Variants in SMAD2 observed in about 807,000 individuals in gnomAD.
SMAD2 encodes the protein SMAD family member 2.
SMAD2 carries 8 observed loss-of-function variants against 64.4 expected under a neutral mutation model. The ratio of observed to expected loss-of-function variants is 0.12; its 90% CI spans 0.07 to 0.22. SMAD2 has a LOEUF of 0.22. Ranked by LOEUF, SMAD2 falls within the 10% of genes least tolerant of loss-of-function variation. SMAD2 has a pLI of 1.00. For missense variants in SMAD2, 289 were observed against 561.2 expected (o/e 0.51, Z 4.90); for synonymous variants, 203 against 195.8 (o/e 1.04, Z -0.31).
intron 2 of SMAD2, among the ~76,000 whole-genome samples, chr18:47,878,011 G>C (rs983284218): frequency 6.6e-6 from 1 of 151,974 alleles, no homozygotes; most frequent in Non-Finnish European, 1.5e-5. Context: ...AATGTTTTTC[G>C]ATTTTATCTT....
At chr18:47,893,735 G>C (rs1017569612) in intron 2 of SMAD2, among the ~76,000 whole-genome samples, 1 of 152,020 alleles carries the variant, frequency 6.6e-6, no homozygotes, top group Non-Finnish European at 1.5e-5. Flanking sequence ...CAATTTAATT[G>C]TTCTACTACT....
At position 47,850,835 on chromosome 18, in the gene SMAD2, ATG is replaced by A. The variant is rs1198558599; in HGVS notation, c.784+437_784+438del. On this transcript the variant is annotated intron_variant, in intron 7 of 10. Coordinates refer to ENST00000262160, the MANE Select transcript of SMAD2 (RefSeq NM_005901.6). The stretch of plus-strand genomic sequence containing the variant: ...TAATATATTATATATTATATATATT[ATG>A]TATATTATATATTATATATATTATA... 1.7e-4 allele frequency among the ~76,000 whole-genome samples: 3 copies of A among 17,996 alleles called. 1 individual carries two copies. Among genetic ancestry groups the A allele is most frequent in the Admixed American group, 2.0e-3 (2 of 988 alleles). 11.8% of individuals were successfully genotyped at this position (17,996 alleles called of 152,430 possible). A position where few individuals can be genotyped will look rare whatever the true frequency, so the allele number is the denominator to read the frequency against.
At chr18:47,885,760 G>A (rs761765571) in intron 2 of SMAD2, among the ~76,000 whole-genome samples, 4 of 152,134 alleles carry the variant, frequency 2.6e-5, no homozygotes, top group East Asian at 3.9e-4. Flanking sequence ...CCAGGAGTTC[G>A]AGATCAGACT....
At chr18:47,881,787 G>C (rs1037367038) in intron 2 of SMAD2, among the ~76,000 whole-genome samples, 2 of 152,166 alleles carry the variant, frequency 1.3e-5, no homozygotes, top group African/African-American at 4.8e-5. Context: ...ATCATGAATG[G>C]ATGATGAATT....
At chr18:47,908,876 A>C (rs1229511841) in intron 1 of SMAD2, among the ~76,000 whole-genome samples, 2 of 152,224 alleles carry the variant, frequency 1.3e-5, no homozygotes, top group African/African-American at 4.8e-5. Flanking sequence ...GTGCAATACC[A>C]TAAGCCTTGA....
intron 2 of SMAD2, among the ~76,000 whole-genome samples, chr18:47,876,367 TTAAC>T (rs1445672283): frequency 1.3e-5 from 2 of 152,042 alleles, no homozygotes; most frequent in Non-Finnish European, 2.9e-5. Context: ...TAGCAGACCA[TTAAC>T]TAACTACAAT....
At chr18:47,865,605 A>G (rs1336841645) in intron 5 of SMAD2, among the ~76,000 whole-genome samples, 2 of 152,148 alleles carry the variant, frequency 1.3e-5, no homozygotes, top group Non-Finnish European at 2.9e-5. Context: ...AACTTACACT[A>G]AGTTCTATAG....
rs1242214466 is a variant in SMAD2, at chr18:47,815,532, C to T, written c.*26295G>A. 2.0e-5 allele frequency: 3 copies of T among 152,218 alleles called. No individual in the cohort carries two copies. The allele number at this position is 152,218 out of a possible 1,614,324, so 9.4% of individuals were successfully genotyped here. A position where few individuals can be genotyped will look rare whatever the true frequency, so the allele number is the denominator to read the frequency against. ...GAATCTCACAATTGAGGCCAGGGAA[C>T]CTACATTTTAGAAGCTCTCCTTCTG... On this transcript the variant is annotated 3_prime_UTR_variant, in exon 11 of 11. Transcript: ENST00000262160.
In SMAD2 at chr18:47,818,883, A is replaced by C. The variant is rs1912464371; in HGVS notation, c.*22944T>G. ...GCAGGTCCCACTTTCTCAGAAATAT[A>C]ATTTGAATCCAATAACTGTCTTTTA... On this transcript the variant is annotated 3_prime_UTR_variant, in exon 11 of 11. Transcript: ENST00000262160. 6.6e-6 allele frequency: 1 copy of C among 152,218 alleles called. No individual in the cohort carries two copies. Among genetic ancestry groups the C allele is most frequent in the Admixed American group, 6.5e-5 (1 of 15,284 alleles). The allele number at this position is 152,218 out of a possible 1,614,324, so 9.4% of individuals were successfully genotyped here. A position where few individuals can be genotyped will look rare whatever the true frequency, so the allele number is the denominator to read the frequency against.
chr18:47,862,253 T>C (rs1225132608), intron 6 of SMAD2, among the ~76,000 whole-genome samples: 1 of 152,234 alleles, frequency 6.6e-6, no homozygotes, highest in East Asian at 1.9e-4. Flanking sequence ...TAGGATACTC[T>C]CAAAATCTTA....
chr18:47,907,215 A>C (rs1186888233), intron 1 of SMAD2, among the ~76,000 whole-genome samples: 1 of 152,230 alleles, frequency 6.6e-6, no homozygotes, highest in Non-Finnish European at 1.5e-5. Context: ...CCACAAAAAG[A>C]AACCTGTATA....
intron 6 of SMAD2, among the ~76,000 whole-genome samples, chr18:47,854,087 TTA>T (rs1491225364): frequency 1.5e-5 from 2 of 133,794 alleles, no homozygotes; most frequent in African/African-American, 6.1e-5. Flanking sequence ...ATAGAAGCCT[TTA>T]AAAAAAAAAA....
intron 2 of SMAD2, chr18:47,895,827 T>C (rs1468272833): frequency 6.5e-6 from 1 of 152,762 alleles, no homozygotes; most frequent in Non-Finnish European, 1.5e-5. Flanking sequence ...CACTGCAAAC[T>C]ATCATTTTAG....
intron 2 of SMAD2, chr18:47,878,445 A>C (rs1225892387): frequency 6.6e-6 from 1 of 152,198 alleles, no homozygotes; most frequent in African/African-American, 2.4e-5. Context: ...CCTGTGCAAC[A>C]AAGTGAGACC....
intron 2 of SMAD2, among the ~76,000 whole-genome samples, chr18:47,886,399 T>C (rs2032899805): frequency 6.6e-6 from 1 of 152,196 alleles, no homozygotes; most frequent in Admixed American, 6.5e-5. Context: ...ATATAAGGCA[T>C]CATATAAAAA....
chr18:47,908,811 T>TTA (rs1372751143), intron 1 of SMAD2, among the ~76,000 whole-genome samples: 1 of 152,194 alleles, frequency 6.6e-6, no homozygotes, highest in Non-Finnish European at 1.5e-5. Context: ...CTCCAGTAAA[T>TTA]TATCACAGTA....
chr18:47,872,038 T>C (rs963654609), intron 2 of SMAD2, among the ~76,000 whole-genome samples: 6 of 152,196 alleles, frequency 3.9e-5, no homozygotes, highest in African/African-American at 1.4e-4. Flanking sequence ...AGCATGAAGT[T>C]TACATTGTAC....
chr18:47,870,126 T>A (rs1347232368), intron 3 of SMAD2, among the ~76,000 whole-genome samples: 1 of 152,122 alleles, frequency 6.6e-6, no homozygotes, highest in Non-Finnish European at 1.5e-5. Flanking sequence ...GAGATTCTGA[T>A]AACAAGAAAT....
chr18:47,857,109 G>A (rs549319231), intron 6 of SMAD2, among the ~76,000 whole-genome samples: 14 of 152,060 alleles, frequency 9.2e-5, no homozygotes, highest in African/African-American at 1.4e-4. Context: ...CGCCCGCCTC[G>A]GCCTCCCAAA....
Sources: allele counts gnomAD v4.1 joint callset (sites outside exome capture counted in the v4.1 genomes callset), GRCh38; gene constraint gnomAD v4.1.1; transcripts MANE v1.5; gene names NCBI Gene and HGNC (gene_info 2026-07-23, HGNC 2026-07-21).